The following DAB1 variants were observed in gnomAD, a reference collection of about 807,000 sequenced individuals.
DAB1 encodes disabled homolog 1.
DAB1 carries 15 observed loss-of-function variants against 64.6 expected under a neutral mutation model. That is an observed-to-expected ratio of 0.23 (90% confidence interval 0.16 to 0.36). The LOEUF (loss-of-function observed/expected upper bound fraction) is 0.36. Ranked by LOEUF, DAB1 falls within the 10% of genes least tolerant of loss-of-function variation. DAB1 has a pLI of 1.00. For missense variants in DAB1, 596 were observed against 706.7 expected, an observed-to-expected ratio of 0.84 and a Z score of 1.78; for synonymous variants, 235 against 251.9, an observed-to-expected ratio of 0.93 and a Z score of 0.64.
intron 5 of DAB1, among the ~76,000 whole-genome samples, chr1:57,966,318 C>T (rs532334460): frequency 1.3e-5 from 2 of 152,212 alleles, no homozygotes; most frequent in East Asian, 3.9e-4. Flanking sequence ...GAATATCAAG[C>T]TGACTTTTTG....
intron 7 of DAB1, among the ~76,000 whole-genome samples, chr1:57,606,527 T>G (rs1645643695): frequency 1.7e-5 from 2 of 117,778 alleles, no homozygotes; most frequent in African/African-American, 3.4e-5. Flanking sequence ...ATATAATATA[T>G]AATATATATG....
At chr1:57,568,208 A>C (rs545312197) in intron 7 of DAB1, among the ~76,000 whole-genome samples, 1 of 152,348 alleles carries the variant, frequency 6.6e-6, no homozygotes, top group African/African-American at 2.4e-5. Context: ...GGTGCTGGGA[A>C]AACTGGCTAG....
intron 5 of DAB1, among the ~76,000 whole-genome samples, chr1:58,065,819 G>GA (rs1648823001): frequency 6.6e-6 from 1 of 152,208 alleles, no homozygotes. Context: ...AACCCTGAGG[G>GA]AGTCCTGGAG....
chr1:57,174,861 G>C (rs1662135197), intron 2 of DAB1, among the ~76,000 whole-genome samples: 1 of 152,118 alleles, frequency 6.6e-6, no homozygotes. Flanking sequence ...TACTAGTTGG[G>C]ATAGTATATA....
intron 4 of DAB1, among the ~76,000 whole-genome samples, chr1:58,191,018 C>T (rs375378850): frequency 1.3e-5 from 2 of 152,084 alleles, no homozygotes; most frequent in Non-Finnish European, 2.9e-5. Context: ...CACAGAAGAA[C>T]GTGGGAAGCC....
chr1:57,660,954 G>A (rs1197211219), intron 6 of DAB1, among the ~76,000 whole-genome samples: 1 of 152,124 alleles, frequency 6.6e-6, no homozygotes, highest in Non-Finnish European at 1.5e-5. Flanking sequence ...GTCTCAAAGC[G>A]GGCTTCCTGG....
chr1:58,335,575 G>A (rs930336892), intron 4 of DAB1, among the ~76,000 whole-genome samples: 4 of 149,908 alleles, frequency 2.7e-5, no homozygotes, highest in Admixed American at 2.0e-4. Flanking sequence ...GAATGTGGGT[G>A]TAGGCATTAG....
intron 1 of DAB1, among the ~76,000 whole-genome samples, chr1:57,381,009 GAGA>G (rs1238309712): frequency 6.6e-6 from 1 of 152,132 alleles, no homozygotes; most frequent in Non-Finnish European, 1.5e-5. Flanking sequence ...GACTTCCAGA[GAGA>G]AGGAGTAAGG....
intron 5 of DAB1, chr1:58,049,296 G>T (rs985612281): frequency 2.9e-6 from 2 of 687,658 alleles, no homozygotes; most frequent in South Asian, 1.7e-5. Context: ...AGACAGGATG[G>T]CAGGGAGAAG....
intron 2 of DAB1, among the ~76,000 whole-genome samples, chr1:57,213,448 G>A (rs1479983377): frequency 3.7e-5 from 4 of 107,434 alleles, no homozygotes; most frequent in Non-Finnish European, 8.3e-5. Flanking sequence ...GATAGGGTCA[G>A]GGTGGACAGA....
At chr1:57,820,203 ACT>A (rs1385271780) in intron 6 of DAB1, among the ~76,000 whole-genome samples, 1 of 152,124 alleles carries the variant, frequency 6.6e-6, no homozygotes, top group Non-Finnish European at 1.5e-5. Flanking sequence ...TCAGAAACCC[ACT>A]GTTTGCTTGC....
intron 1 of DAB1, among the ~76,000 whole-genome samples, chr1:57,359,884 G>C (rs1401050585): frequency 6.6e-6 from 1 of 151,998 alleles, no homozygotes; most frequent in Non-Finnish European, 1.5e-5. Flanking sequence ...ATCTAAAAGA[G>C]TTGATCTCAT....
At chr1:57,277,511 G>C (rs531944923) in intron 2 of DAB1, among the ~76,000 whole-genome samples, 13 of 152,278 alleles carry the variant, frequency 8.5e-5, no homozygotes, top group Admixed American at 2.0e-4. Flanking sequence ...AGGGCTAAAA[G>C]AGACCTTAGC....
At chr1:58,408,925 C>G (rs1259150982) in intron 3 of DAB1, among the ~76,000 whole-genome samples, 1 of 151,906 alleles carries the variant, frequency 6.6e-6, no homozygotes, top group Non-Finnish European at 1.5e-5. Context: ...CAGATACACA[C>G]AAAAAAAGTT....
intron 7 of DAB1, among the ~76,000 whole-genome samples, chr1:57,579,300 G>C (rs1167703985): frequency 6.6e-6 from 1 of 152,152 alleles, no homozygotes. Flanking sequence ...CTTGTTCTGT[G>C]ATAGACATTG....
chr1:57,638,748 G>C (rs1646090623), intron 7 of DAB1, among the ~76,000 whole-genome samples: 1 of 152,078 alleles, frequency 6.6e-6, no homozygotes, highest in Admixed American at 6.6e-5. Flanking sequence ...GGCAGGAAAG[G>C]GCATTCCAGG....
chr1:57,330,535 G>GTAAT (rs1676570011), intron 1 of DAB1, among the ~76,000 whole-genome samples: 2 of 152,272 alleles, frequency 1.3e-5, no homozygotes, highest in East Asian at 3.9e-4. Context: ...ACCTTGAAGT[G>GTAAT]CAATGAGACA....
intron 1 of DAB1, among the ~76,000 whole-genome samples, chr1:57,838,701 A>G (rs1227958595): frequency 6.6e-6 from 1 of 152,078 alleles, no homozygotes; most frequent in Non-Finnish European, 1.5e-5. Context: ...TTCTCATTCA[A>G]AGAATGAGAC....
intron 1 of DAB1, among the ~76,000 whole-genome samples, chr1:57,853,247 TAA>T (rs35904605): frequency 1.8e-4 from 25 of 140,360 alleles, no homozygotes; most frequent in East Asian, 4.1e-4. Flanking sequence ...GGGCTATCTT[TAA>T]AAAAAAAAAA....
Sources: allele counts gnomAD v4.1 joint callset (sites outside exome capture counted in the v4.1 genomes callset), GRCh38; gene constraint gnomAD v4.1.1; transcripts MANE v1.5; gene names NCBI Gene and HGNC (gene_info 2026-07-23, HGNC 2026-07-21).